The following NRG1 variants were observed in gnomAD, a reference collection of about 807,000 sequenced individuals.
NRG1 encodes pro-neuregulin-1, membrane-bound isoform.
A neutral mutation model predicts 63.8 loss-of-function variants in NRG1; 18 were observed. The ratio of observed to expected loss-of-function variants is 0.28; its 90% CI spans 0.19 to 0.42. NRG1 has a LOEUF of 0.42. Ranked by LOEUF, NRG1 falls within the 10% of genes least tolerant of loss-of-function variation. NRG1 has a pLI of 1.00. For synonymous variants in NRG1, 302 were observed against 301.3 expected, an observed-to-expected ratio of 1.00 and a Z score of -0.02; for missense variants, 762 against 814.7, an observed-to-expected ratio of 0.94 and a Z score of 0.79.
At chr8:32,215,478 C>T (rs369197508) in intron 1 of NRG1, among the ~76,000 whole-genome samples, 7 of 152,284 alleles carry the variant, frequency 4.6e-5, no homozygotes, top group African/African-American at 1.2e-4. Flanking sequence ...CCAGCCATCA[C>T]ACTACATGCT....
intron 1 of NRG1, among the ~76,000 whole-genome samples, chr8:31,830,775 AAAAG>A (rs1825070341): frequency 1.3e-5 from 2 of 152,078 alleles, no homozygotes; most frequent in Admixed American, 1.3e-4. Flanking sequence ...GGGGAAAAAA[AAAAG>A]AAAGAAAAGA....
chr8:32,388,655 GTTTT>G (rs10706604), intron 1 of NRG1, among the ~76,000 whole-genome samples: 1 of 149,080 alleles, frequency 6.7e-6, no homozygotes, highest in Non-Finnish European at 1.5e-5. Context: ...TTACAAGACG[GTTTT>G]TTTTTTTCGT....
At chr8:32,216,645 G>A (rs1022485703) in intron 1 of NRG1, among the ~76,000 whole-genome samples, 36 of 149,244 alleles carry the variant, frequency 2.4e-4, no homozygotes, top group Non-Finnish European at 4.0e-4. Context: ...TAAGTTCCTA[G>A]GAGCACAATA....
intron 1 of NRG1, among the ~76,000 whole-genome samples, chr8:31,879,537 G>C (rs747187055): frequency 6.6e-6 from 1 of 152,146 alleles, no homozygotes; most frequent in East Asian, 1.9e-4. Flanking sequence ...TCTGGAAGAG[G>C]TAGAGAGCAT....
At chr8:32,395,995 A>G (rs1448632815) in intron 1 of NRG1, among the ~76,000 whole-genome samples, 1 of 152,168 alleles carries the variant, frequency 6.6e-6, no homozygotes, top group Non-Finnish European at 1.5e-5. Context: ...TCTTTTTTAT[A>G]CTGAGTTACC....
At chr8:32,727,900 AG>A (rs113063660) in intron 5 of NRG1, 48 bp from the exon 6 acceptor site, 12 of 1,587,624 alleles carry the variant, frequency 7.6e-6, no homozygotes, top group East Asian at 2.2e-5. Context: ...GCTGCTTAGA[AG>A]GGGGAAAAAA....
intron 1 of NRG1, among the ~76,000 whole-genome samples, chr8:31,740,608 A>T (rs779131772): frequency 4.0e-5 from 6 of 151,438 alleles, no homozygotes; most frequent in Middle Eastern, 3.2e-3. Context: ...TTTGCAAATA[A>T]CTCTCCCTTC....
intron 5 of NRG1, among the ~76,000 whole-genome samples, chr8:32,698,177 G>C (rs1328921306): frequency 6.6e-6 from 1 of 151,038 alleles, no homozygotes; most frequent in African/African-American, 2.4e-5. Flanking sequence ...ATGCCCTCCA[G>C]CCTGATGACA....
chr8:32,607,910 G>T (rs1468617733), intron 3 of NRG1, among the ~76,000 whole-genome samples: 1 of 152,028 alleles, frequency 6.6e-6, no homozygotes, highest in African/African-American at 2.4e-5. Context: ...AGAATGAAGA[G>T]TCTCAATTGC....
At chr8:32,245,634 C>T (rs1299679772) in intron 1 of NRG1, among the ~76,000 whole-genome samples, 1 of 152,044 alleles carries the variant, frequency 6.6e-6, no homozygotes, top group Non-Finnish European at 1.5e-5. Context: ...CTATAGTCAC[C>T]CCTCTTTTGA....
At chr8:31,784,098 T>C (rs1275732148) in intron 1 of NRG1, among the ~76,000 whole-genome samples, 1 of 152,184 alleles carries the variant, frequency 6.6e-6, no homozygotes, top group African/African-American at 2.4e-5. Flanking sequence ...CCGGGGCTCA[T>C]CCTGCTAATG....
chr8:32,536,946 A>AAAAAT (rs2129519749), intron 1 of NRG1, among the ~76,000 whole-genome samples: 2 of 148,000 alleles, frequency 1.4e-5, no homozygotes, highest in South Asian at 4.3e-4. Flanking sequence ...AAAAAAAAAA[A>AAAAAT]AAATTCTGTT....
chr8:31,798,070 G>A (rs1821407531), intron 1 of NRG1, among the ~76,000 whole-genome samples: 1 of 152,122 alleles, frequency 6.6e-6, no homozygotes, highest in South Asian at 2.1e-4. Context: ...GTTGGTTAAG[G>A]AAAGGAGAGG....
At chr8:32,201,871 G>A (rs1264971547) in intron 1 of NRG1, among the ~76,000 whole-genome samples, 3 of 152,198 alleles carry the variant, frequency 2.0e-5, no homozygotes, top group Non-Finnish European at 4.4e-5. Flanking sequence ...ACCTCAAGAA[G>A]TTAATGTGGA....
chr8:32,373,107 T>C (rs1041125964), intron 1 of NRG1, among the ~76,000 whole-genome samples: 1 of 152,092 alleles, frequency 6.6e-6, no homozygotes, highest in African/African-American at 2.4e-5. Context: ...GTGAGAACTA[T>C]TACTTGATTC....
intron 1 of NRG1, among the ~76,000 whole-genome samples, chr8:32,048,389 A>G (rs1821384468): frequency 6.7e-6 from 1 of 148,452 alleles, no homozygotes; most frequent in African/African-American, 2.5e-5. Context: ...GTATGAATAT[A>G]TATACATGTA....
At chr8:32,406,808 A>C (rs1814054959) in intron 1 of NRG1, among the ~76,000 whole-genome samples, 1 of 152,146 alleles carries the variant, frequency 6.6e-6, no homozygotes, top group South Asian at 2.1e-4. Flanking sequence ...CTTAATAAGT[A>C]TATCTTGACT....
At chr8:32,589,786 G>T (rs1842201773) in intron 1 of NRG1, among the ~76,000 whole-genome samples, 1 of 152,202 alleles carries the variant, frequency 6.6e-6, no homozygotes, top group Admixed American at 6.5e-5. Context: ...TAAGGGCACA[G>T]TAGATGATCA....
At chr8:32,044,913 C>CAAAAAAAAAAAAAAAAAA in intron 1 of NRG1, among the ~76,000 whole-genome samples, 32 of 57,134 alleles carry the variant, frequency 5.6e-4, no homozygotes, top group South Asian at 9.0e-4. Context: ...TAAAGAAAAG[C>CAAAAAAAAAAAAAAAAAA]AAAAAAAAAA....
Sources: gnomAD v4.1 joint callset for allele counts (sites outside exome capture counted in the v4.1 genomes callset) on GRCh38, gnomAD v4.1.1 for gene constraint, MANE v1.5 for transcripts, NCBI Gene and HGNC (gene_info 2026-07-23, HGNC 2026-07-21) for gene names.